NSMCE2: variants seen among roughly 807,000 people sequenced by gnomAD.
NSMCE2 encodes NSE2 SUMO ligase component of SMC5/6 complex, also known as E3 SUMO-protein ligase NSE2.
NSMCE2 carries 24 observed loss-of-function variants against 23.8 expected under a neutral mutation model. That is an observed-to-expected ratio of 1.01 (90% CI 0.73 to 1.42). NSMCE2 has a LOEUF of 1.42. NSMCE2 is among the 40% of genes most tolerant of loss of function. NSMCE2 has a pLI of 0.00. For synonymous variants in NSMCE2, 92 were observed against 94.1 expected, an observed-to-expected ratio of 0.98 and a Z score of 0.13; for missense variants, 284 against 296.5, an observed-to-expected ratio of 0.96 and a Z score of 0.31.
At chr8:125,098,993 G>A (rs1018867609) in intron 1 of NSMCE2, among the ~76,000 whole-genome samples, 6 of 152,110 alleles carry the variant, frequency 3.9e-5, no homozygotes, top group African/African-American at 1.4e-4. Flanking sequence ...GACATGTGCT[G>A]TTTTAGGTGC....
chr8:125,113,634 G>C (rs1818868121), intron 3 of NSMCE2, among the ~76,000 whole-genome samples: 1 of 152,154 alleles, frequency 6.6e-6, no homozygotes, highest in South Asian at 2.1e-4. Context: ...ACACAATAAA[G>C]TGTAAACCAA....
chr8:125,362,092 G>A (rs1270505588), intron 7 of NSMCE2, among the ~76,000 whole-genome samples: 2 of 152,202 alleles, frequency 1.3e-5, no homozygotes, highest in African/African-American at 4.8e-5. Context: ...TGGAGGTGGG[G>A]ACCCAGCCGC....
intron 5 of NSMCE2, among the ~76,000 whole-genome samples, chr8:125,338,038 TGGA>T (rs1830120671): frequency 6.6e-6 from 1 of 152,134 alleles, no homozygotes; most frequent in African/African-American, 2.4e-5. Flanking sequence ...CATTTAAAGC[TGGA>T]ATGGATTTTT....
chr8:125,334,428 T>C (rs193065278), intron 5 of NSMCE2, among the ~76,000 whole-genome samples: 25 of 152,190 alleles, frequency 1.6e-4, no homozygotes, highest in African/African-American at 5.3e-4. Flanking sequence ...TCCATGAACG[T>C]TGAATTCAGA....
chr8:125,115,793 C>A (rs937078872), intron 3 of NSMCE2, among the ~76,000 whole-genome samples: 1 of 151,952 alleles, frequency 6.6e-6, no homozygotes, highest in Non-Finnish European at 1.5e-5. Context: ...TAGTCTTGAC[C>A]TGGGAGATGC....
intron 5 of NSMCE2, among the ~76,000 whole-genome samples, chr8:125,196,920 T>G (rs9671173): frequency 2.0e-4 from 30 of 152,346 alleles, no homozygotes; most frequent in African/African-American, 7.2e-4. Context: ...GGTATCTCAT[T>G]GTGGTTTTGA....
intron 5 of NSMCE2, among the ~76,000 whole-genome samples, chr8:125,207,462 G>A (rs1004498376): frequency 1.8e-4 from 28 of 152,092 alleles, no homozygotes; most frequent in Middle Eastern, 3.4e-3. Context: ...GATTTTTAAG[G>A]TATTTTAAAA....
chr8:125,182,435 C>A, intron 5 of NSMCE2, 179 bp downstream of exon 5: 1 of 627,742 alleles, frequency 1.6e-6, no homozygotes. Context: ...TTCAAATCAG[C>A]CTGCTCATTT....
intron 5 of NSMCE2, among the ~76,000 whole-genome samples, chr8:125,301,462 A>C (rs190493261): frequency 1.1e-4 from 17 of 152,168 alleles, no homozygotes; most frequent in Non-Finnish European, 2.1e-4. Context: ...ACCTCACTAC[A>C]TGGAGGTGGC....
intron 3 of NSMCE2, among the ~76,000 whole-genome samples, chr8:125,119,902 T>C (rs1033268729): frequency 4.6e-5 from 7 of 152,112 alleles, no homozygotes; most frequent in Non-Finnish European, 7.4e-5. Context: ...TATTTATATA[T>C]GTAAAGCATT....
In NSMCE2 at chr8:125,232,246, G is replaced by T. The variant is rs6997658; in HGVS notation, c.418+49990G>T. On this transcript the variant is annotated intron_variant, in intron 5 of 7. Transcript: ENST00000287437. ...GATGTGGTGGTGCATGCCTGTAATC[G>T]CAGCTACTCGGGAGGCTGAGGCAGG... 2.0e-5 allele frequency among the ~76,000 whole-genome samples: 3 copies of T among 151,888 alleles called. No individual in the cohort carries two copies. In the South Asian group the frequency reaches 6.2e-4, roughly 32 times the overall value.
At chr8:125,174,665 T>G (rs1181833403) in intron 4 of NSMCE2, among the ~76,000 whole-genome samples, 1 of 152,220 alleles carries the variant, frequency 6.6e-6, no homozygotes, top group Non-Finnish European at 1.5e-5. Context: ...ATGTTTAAGC[T>G]TATTCATTTT....
At chr8:125,235,929 A>G (rs186495364) in intron 5 of NSMCE2, among the ~76,000 whole-genome samples, 1 of 152,338 alleles carries the variant, frequency 6.6e-6, no homozygotes, top group Admixed American at 6.5e-5. Flanking sequence ...TCCACATTTT[A>G]CATATAATGT....
At chr8:125,276,591 T>C (rs1398813463) in intron 5 of NSMCE2, among the ~76,000 whole-genome samples, 2 of 152,184 alleles carry the variant, frequency 1.3e-5, no homozygotes, top group African/African-American at 4.8e-5. Context: ...TATCTGATTG[T>C]ATATACAGTC....
chr8:125,325,256 C>T (rs1442893204), intron 5 of NSMCE2, among the ~76,000 whole-genome samples: 1 of 151,812 alleles, frequency 6.6e-6, no homozygotes, highest in African/African-American at 2.4e-5. Context: ...ATAGCCACTG[C>T]ACTCCAGCTT....
chr8:125,293,964 TTCCTATTTTC>T (rs1358604895), intron 5 of NSMCE2, among the ~76,000 whole-genome samples: 4 of 152,194 alleles, frequency 2.6e-5, no homozygotes, highest in Non-Finnish European at 5.9e-5. Context: ...TAGCATTTAC[TTCCTATTTTC>T]TCCCAAGTTC....
intron 5 of NSMCE2, among the ~76,000 whole-genome samples, chr8:125,249,579 C>G (rs370745523): frequency 2.1e-4 from 32 of 152,318 alleles, no homozygotes; most frequent in African/African-American, 7.2e-4. Context: ...CTACTCACTT[C>G]ACCAACATAC....
intron 5 of NSMCE2, among the ~76,000 whole-genome samples, chr8:125,262,216 G>C (rs1446545607): frequency 1.3e-5 from 2 of 152,252 alleles, no homozygotes; most frequent in Non-Finnish European, 2.9e-5. Context: ...GCAAGGTCAG[G>C]AGATTGAGAC....
At chr8:125,237,257 G>C (rs1050185733) in intron 5 of NSMCE2, among the ~76,000 whole-genome samples, 3 of 152,162 alleles carry the variant, frequency 2.0e-5, no homozygotes, top group African/African-American at 7.2e-5. Context: ...ATAATCTTAA[G>C]AGACATAAAG....
Sources: allele counts gnomAD v4.1 joint callset (sites outside exome capture counted in the v4.1 genomes callset), GRCh38; gene constraint gnomAD v4.1.1; transcripts MANE v1.5; gene names NCBI Gene and HGNC (gene_info 2026-07-23, HGNC 2026-07-21).